The following LAMB4 variants were observed in gnomAD, a reference collection of about 807,000 sequenced individuals.
LAMB4 encodes the protein laminin subunit beta 4, also known as laminin subunit beta-4.
LAMB4 carries 196 observed loss-of-function variants against 199.2 expected under a neutral mutation model. That is an observed-to-expected ratio of 0.98 (90% CI 0.88 to 1.11). The LOEUF is 1.11. Among genes scored for constraint, LAMB4 ranks in the 50% least tolerant of loss-of-function variants. The pLI is 0.00. For missense variants in LAMB4, 2,080 were observed against 2,171.2 expected (o/e 0.96, Z 0.83); for synonymous variants, 744 against 770.6 (o/e 0.97, Z 0.57).
At position 108,028,074 on chromosome 7, in the gene LAMB4, G is replaced by A. The variant is rs182647637; in HGVS notation, c.5146+969C>T. Among the ~76,000 whole-genome samples the A allele has an allele frequency of 1.0e-3, 152 of 152,148 alleles. 1 individual carries two copies. The highest frequency in any genetic ancestry group is 2.9e-4 in the Non-Finnish European group (20 of 67,998). ...GTTGGGATTACAGGTGTGAGCCACCGCGCCTGGCCGGTATTCCATGTTTGC... is the reference window on the plus strand; with the variant it reads ...GTTGGGATTACAGGTGTGAGCCACCACGCCTGGCCGGTATTCCATGTTTGC... On this transcript the variant is annotated intron_variant, in intron 33 of 33. Coordinates refer to ENST00000388781, the MANE Select transcript of LAMB4 (RefSeq NM_007356.3).
Position 108,063,927 on chromosome 7 carries a change from T to A in LAMB4, c.2895A>T (p.Ala965=). Reference sequence around the variant, plus strand: ...TGTTGCAGGCACATGGTTGGCAAGGTGCTCCTGAAATTCTTGGATTTCCAT... The same window carrying A: ...TGTTGCAGGCACATGGTTGGCAAGGAGCTCCTGAAATTCTTGGATTTCCAT... ...GFYGNPRISG[A]PCQPCACNNN... Residue 965 remains alanine, a synonymous_variant, in exon 22 of 34, where the codon GCA becomes GCT. Transcript: ENST00000388781. 6.2e-7 allele frequency: 1 copy of A among 1,614,168 alleles called. No homozygotes were observed. Among genetic ancestry groups the A allele is most frequent in the Non-Finnish European group, 8.5e-7 (1 of 1,180,028 alleles).
intron 6 of LAMB4, among the ~76,000 whole-genome samples, chr7:108,107,233 C>G (rs1009877374): frequency 1.3e-5 from 2 of 152,200 alleles, no homozygotes; most frequent in Non-Finnish European, 2.9e-5. Flanking sequence ...TGCCAGGCAC[C>G]AGCTTTGCTC....
At chr7:108,106,756 G>A (rs953293793) in intron 6 of LAMB4, among the ~76,000 whole-genome samples, 184 bp from the exon 7 acceptor site, 2 of 151,864 alleles carry the variant, frequency 1.3e-5, no homozygotes, top group Non-Finnish European at 2.9e-5. Flanking sequence ...TGTAGAGGTG[G>A]GGTTCTCCCT....
At chr7:108,059,871 A>G (rs1027281493) in intron 23 of LAMB4, among the ~76,000 whole-genome samples, 1 of 152,228 alleles carries the variant, frequency 6.6e-6, no homozygotes, top group African/African-American at 2.4e-5. Flanking sequence ...TCCAGCCTGC[A>G]TGACAGCCTA....
chr7:108,026,922 A>G (rs781146523), intron 33 of LAMB4: 2 of 517,936 alleles, frequency 3.9e-6, no homozygotes, highest in Admixed American at 1.9e-5. Context: ...CAGCCTCAAA[A>G]GGAAAAGAGA....
At chr7:108,116,442 A>T (rs2038411160) in intron 2 of LAMB4, among the ~76,000 whole-genome samples, 1 of 152,214 alleles carries the variant, frequency 6.6e-6, no homozygotes, top group Non-Finnish European at 1.5e-5. Flanking sequence ...ACTCCATATC[A>T]GCAGGATTCT....
In LAMB4 at chr7:108,117,446, T is replaced by C. The variant is rs557927610; in HGVS notation, c.35-1285A>G. Among the ~76,000 whole-genome samples the C allele has an allele frequency of 1.8e-3, 280 of 152,272 alleles. 4 individuals are homozygous for C. The highest frequency in any genetic ancestry group is 1.4e-3 in the Non-Finnish European group (97 of 68,016). The stretch of plus-strand genomic sequence containing the variant: ...ATGGATTTGTTAATTGTTGGGAAGA[T>C]TGAATAAAACAAAGTGGAATCTTAC... On this transcript the variant is annotated intron_variant, in intron 2 of 33. Transcript: ENST00000388781.
intron 31 of LAMB4, among the ~76,000 whole-genome samples, chr7:108,031,377 A>G (rs1279844616): frequency 2.0e-5 from 3 of 148,844 alleles, no homozygotes; most frequent in African/African-American, 5.0e-5. Flanking sequence ...AAGAAAAAAA[A>G]AAAAAAGAGC....
intron 14 of LAMB4, among the ~76,000 whole-genome samples, chr7:108,090,142 G>A (rs182497862): frequency 1.3e-5 from 2 of 152,276 alleles, no homozygotes; most frequent in African/African-American, 2.4e-5. Context: ...TATGTAAAGT[G>A]CAAAGCATAG....
chr7:108,029,069 G>GT lies in LAMB4; in HGVS notation c.5119dup (p.Thr1707AsnfsTer22), dbSNP rs1563027577. On this transcript the variant is annotated frameshift_variant, in exon 33 of 34. Transcript: ENST00000388781. LOFTEE classifies it high-confidence loss of function. Reference sequence around the variant, plus strand: ...TGTTATTCTTCTTATCTTGGCCTCTGTATCTCCAGCCAATTTTTCTGCCGC... The same window carrying GT: ...TGTTATTCTTCTTATCTTGGCCTCTGTTATCTCCAGCCAATTTTTCTGCCGC... 1 of 1,613,964 alleles carries GT rather than the reference G, an allele frequency of 6.2e-7. No individual in the cohort carries two copies. Among genetic ancestry groups the GT allele is most frequent in the Non-Finnish European group, 8.5e-7 (1 of 1,179,954 alleles).
Position 108,057,879 on chromosome 7 carries a change from C to G in LAMB4, c.3332G>C (p.Ser1111Thr). ...CKLGYGGKRC[S>T]ECQENYYGDP... ...ACCATAATAATTTTCCTGGCACTCA[C>G]TGCAACGTTTCCCGCCGTAACCTAA... The change falls in exon 24 of 34, where the codon AGT becomes ACT. Residue 1111 changes from serine to threonine, a missense_variant. Transcript: ENST00000388781. The G allele has an allele frequency of 6.2e-7, 1 of 1,613,738 alleles. No homozygotes were observed. Among genetic ancestry groups the G allele is most frequent in the Non-Finnish European group, 8.5e-7 (1 of 1,179,744 alleles).
At position 108,110,086 on chromosome 7, in the gene LAMB4, G is replaced by A. The variant is rs188279152; in HGVS notation, c.329-842C>T. On this transcript the variant is annotated intron_variant, in intron 4 of 33. Transcript: ENST00000388781. ...GCTCTGTCCCCCAGACTGGAGTGCAGTGGCAGGATCTTGGCTCACTGCAAC... is the reference window on the plus strand; with the variant it reads ...GCTCTGTCCCCCAGACTGGAGTGCAATGGCAGGATCTTGGCTCACTGCAAC... Among the ~76,000 whole-genome samples, 142 of 152,320 alleles carry A rather than the reference G, an allele frequency of 9.3e-4. 1 individual carries two copies. The highest frequency in any genetic ancestry group is 3.3e-3 in the African/African-American group (136 of 41,568).
intron 10 of LAMB4, 105 bp from the exon 11 acceptor site, chr7:108,098,687 A>ACATT: frequency 1.1e-6 from 1 of 944,748 alleles, no homozygotes; most frequent in Non-Finnish European, 1.5e-6. Flanking sequence ...CTTTGTTTAA[A>ACATT]TAATTAAATG....
At chr7:108,051,630 G>T (rs1486600729) in intron 26 of LAMB4, among the ~76,000 whole-genome samples, 2 of 152,142 alleles carry the variant, frequency 1.3e-5, no homozygotes, top group African/African-American at 4.8e-5. Context: ...AGGGTGTGTA[G>T]TATGTTGCAT....
At chr7:108,091,046 G>A (rs921726053) in intron 14 of LAMB4, among the ~76,000 whole-genome samples, 1 of 151,986 alleles carries the variant, frequency 6.6e-6, no homozygotes, top group African/African-American at 2.4e-5. Context: ...TCCTGTCTTA[G>A]GGATCAACTT....
chr7:108,118,846 TGAAAAGGTAAACTATGGAGTAAGA>T (rs2038501512), intron 2 of LAMB4, among the ~76,000 whole-genome samples: 1 of 151,606 alleles, frequency 6.6e-6, no homozygotes, highest in Non-Finnish European at 1.5e-5. Flanking sequence ...TATGAAGAAG[TGAAAAGGTAAACTATGGAGTAAGA>T]GAAAATACTT....
chr7:108,012,055 A>G, the LAMB4 span, among the ~76,000 whole-genome samples: 2 of 150,088 alleles, frequency 1.3e-5, no homozygotes, highest in African/African-American at 2.5e-5. Context: ...TTCTATTTCT[A>G]TAAACAAAAT....
intron 14 of LAMB4, among the ~76,000 whole-genome samples, chr7:108,081,388 T>G (rs2036934631): frequency 6.6e-6 from 1 of 152,228 alleles, no homozygotes; most frequent in Non-Finnish European, 1.5e-5. Flanking sequence ...CTCCAGTGTA[T>G]GCCCCTGAGC....
chr7:108,028,319 G>A (rs1015610505), intron 33 of LAMB4, among the ~76,000 whole-genome samples: 4 of 152,136 alleles, frequency 2.6e-5, no homozygotes, highest in Admixed American at 2.6e-4. Flanking sequence ...CGGGACAATT[G>A]TTTGCTTAGG....
Sources: allele counts gnomAD v4.1 joint callset (sites outside exome capture counted in the v4.1 genomes callset), GRCh38; gene constraint gnomAD v4.1.1; transcripts MANE v1.5; gene names NCBI Gene and HGNC (gene_info 2026-07-23, HGNC 2026-07-21).